The following LRP1B variants were observed in gnomAD, a reference collection of about 807,000 sequenced individuals.
The protein encoded by LRP1B is LDL receptor related protein 1B.
In LRP1B, 217 loss-of-function variants were observed where a neutral mutation model predicts 556.6. That is an observed-to-expected ratio of 0.39 (90% CI 0.35 to 0.44). The LOEUF (loss-of-function observed/expected upper bound fraction) is 0.44. Ranked by LOEUF, LRP1B falls within the 20% of genes least tolerant of loss-of-function variation. The pLI is 1.00. For missense variants in LRP1B, 5,053 were observed against 5,620.8 expected, an observed-to-expected ratio of 0.90 and a Z score of 3.23; for synonymous variants, 2,047 against 1,865.8, an observed-to-expected ratio of 1.10 and a Z score of -2.50.
At chr2:141,207,342 C>G (rs1465356989) in intron 6 of LRP1B, among the ~76,000 whole-genome samples, 1 of 152,154 alleles carries the variant, frequency 6.6e-6, no homozygotes, top group South Asian at 2.1e-4. Context: ...GTCTACCTCT[C>G]ACAACTCCAA....
At position 140,291,316 on chromosome 2, in the gene LRP1B, A is replaced by ATTTTTTTTT. The variant is rs946522615; in HGVS notation, c.12967+6491_12967+6492insAAAAAAAAA. Among the ~76,000 whole-genome samples the ATTTTTTTTT allele has an allele frequency of 1.0e-4, 7 of 68,750 alleles. 1 individual carries two copies. The highest frequency in any genetic ancestry group is 3.4e-4 in the African/African-American group (7 of 20,662). The allele number at this position is 68,750 out of a possible 152,430, so 45.1% of individuals were successfully genotyped here. On this transcript the variant is annotated intron_variant, in intron 84 of 90. Transcript: ENST00000389484. Reference sequence around the variant, plus strand: ...TTTTATTTTATATATATATATATATATATTTTTATTATACTTTAAGTTCTA... The same window carrying ATTTTTTTTT: ...TTTTATTTTATATATATATATATATATTTTTTTTTTATTTTTATTATACTTTAAGTTCTA...
chr2:140,562,538 A>G (rs921134336), intron 43 of LRP1B, among the ~76,000 whole-genome samples: 6 of 152,170 alleles, frequency 3.9e-5, no homozygotes, highest in Non-Finnish European at 7.4e-5. Flanking sequence ...TGATTGGCAC[A>G]TGAGATTAAT....
At chr2:140,563,456 C>G (rs1395857248) in intron 43 of LRP1B, among the ~76,000 whole-genome samples, 1 of 152,010 alleles carries the variant, frequency 6.6e-6, no homozygotes, top group Non-Finnish European at 1.5e-5. Context: ...GAAGGCAAAA[C>G]TAATCTGAAA....
intron 1 of LRP1B, among the ~76,000 whole-genome samples, chr2:142,105,150 T>G (rs908691226): frequency 2.4e-4 from 36 of 152,008 alleles, no homozygotes; most frequent in Admixed American, 5.9e-4. Flanking sequence ...TGAATGGAGG[T>G]GAAACCAAAA....
At chr2:141,160,798 G>A (rs1286413995) in intron 7 of LRP1B, among the ~76,000 whole-genome samples, 1 of 151,746 alleles carries the variant, frequency 6.6e-6, no homozygotes, top group East Asian at 1.9e-4. Context: ...ATTTTTTTGT[G>A]GTAATGGACA....
chr2:140,859,116 G>A (rs1692709752), intron 27 of LRP1B, among the ~76,000 whole-genome samples: 1 of 152,010 alleles, frequency 6.6e-6, no homozygotes, highest in Admixed American at 6.6e-5. Flanking sequence ...CATCGGGACT[G>A]GCCTAGATCT....
chr2:140,625,712 C>T (rs934733337), intron 41 of LRP1B, among the ~76,000 whole-genome samples: 1 of 152,092 alleles, frequency 6.6e-6, no homozygotes, highest in South Asian at 2.1e-4. Context: ...GAATCCAGAA[C>T]AGTGACTACA....
At chr2:140,545,610 T>G (rs767196061) in intron 43 of LRP1B, among the ~76,000 whole-genome samples, 44 of 152,232 alleles carry the variant, frequency 2.9e-4, no homozygotes, top group Admixed American at 5.2e-4. Flanking sequence ...GCAGCCTTAT[T>G]TCTGGAATCT....
intron 2 of LRP1B, among the ~76,000 whole-genome samples, chr2:141,555,287 A>G (rs1212479025): frequency 1.3e-5 from 2 of 152,046 alleles, no homozygotes. Context: ...TGAAATGCTC[A>G]GAAGGAGTGG....
At chr2:141,997,681 T>C (rs908419351) in intron 1 of LRP1B, among the ~76,000 whole-genome samples, 15 of 149,782 alleles carry the variant, frequency 1.0e-4, no homozygotes, top group African/African-American at 3.7e-4. Context: ...CCTTTATGCT[T>C]TTTTTTTCTC....
At chr2:141,042,129 G>A (rs1429876681) in intron 11 of LRP1B, among the ~76,000 whole-genome samples, 2 of 152,106 alleles carry the variant, frequency 1.3e-5, no homozygotes, top group Non-Finnish European at 2.9e-5. Flanking sequence ...GAAAAGAGAA[G>A]CCAAGTGCCT....
intron 82 of LRP1B, among the ~76,000 whole-genome samples, chr2:140,316,125 GGCCTTCTCCGTTA>G (rs1215338472): frequency 6.6e-6 from 1 of 152,106 alleles, no homozygotes; most frequent in Non-Finnish European, 1.5e-5. Flanking sequence ...ATATTGGCAT[GGCCTTCTCCGTTA>G]GAAATGCTGC....
chr2:140,668,586 C>G (rs1036396324), intron 41 of LRP1B, among the ~76,000 whole-genome samples: 1 of 151,882 alleles, frequency 6.6e-6, no homozygotes, highest in Non-Finnish European at 1.5e-5. Flanking sequence ...GACCTGCTAT[C>G]GTTCATATAA....
At chr2:141,213,479 G>A (rs1682655211) in intron 6 of LRP1B, among the ~76,000 whole-genome samples, 1 of 152,026 alleles carries the variant, frequency 6.6e-6, no homozygotes, top group African/African-American at 2.4e-5. Flanking sequence ...AGGCACACTG[G>A]GAACATTTAG....
At chr2:140,517,797 G>A (rs1020449523) in intron 49 of LRP1B, among the ~76,000 whole-genome samples, 6 of 141,596 alleles carry the variant, frequency 4.2e-5, no homozygotes, top group African/African-American at 1.1e-4. Context: ...TACAAACTCC[G>A]CCTCCCGGGT....
chr2:140,528,837 A>C (rs558678134), intron 47 of LRP1B, among the ~76,000 whole-genome samples: 2 of 152,170 alleles, frequency 1.3e-5, no homozygotes, highest in East Asian at 3.9e-4. Flanking sequence ...ATCTCTTGCC[A>C]AAACCTCTTT....
At chr2:141,375,386 G>A (rs1009886349) in intron 3 of LRP1B, among the ~76,000 whole-genome samples, 1 of 152,156 alleles carries the variant, frequency 6.6e-6, no homozygotes, top group Admixed American at 6.5e-5. Context: ...AGCTAGCAGT[G>A]GGAGTGGTGG....
chr2:141,601,497 C>T (rs558145855), intron 2 of LRP1B, among the ~76,000 whole-genome samples: 2 of 152,266 alleles, frequency 1.3e-5, no homozygotes, highest in South Asian at 2.1e-4. Flanking sequence ...ACAATACTAA[C>T]GTTAACTGTA....
At chr2:141,314,826 A>ATATATATATATG (rs1323342015) in intron 3 of LRP1B, among the ~76,000 whole-genome samples, 3 of 119,160 alleles carry the variant, frequency 2.5e-5, no homozygotes, top group Non-Finnish European at 5.4e-5. Context: ...ATATATATAT[A>ATATATATATATG]TGTGTATATA....
Sources: allele counts gnomAD v4.1 joint callset (sites outside exome capture counted in the v4.1 genomes callset), GRCh38; gene constraint gnomAD v4.1.1; transcripts MANE v1.5; gene names NCBI Gene and HGNC (gene_info 2026-07-23, HGNC 2026-07-21).